ANKMY1: variants seen among roughly 807,000 people sequenced by gnomAD.
ANKMY1 encodes the protein ankyrin repeat and MYND domain containing 1.
Under a neutral mutation model 102.0 loss-of-function variants are expected in ANKMY1, and 98 were observed. That is an observed-to-expected ratio of 0.96 (90% CI 0.82 to 1.14). The LOEUF (loss-of-function observed/expected upper bound fraction) is 1.14. ANKMY1 is among the 50% of genes most tolerant of loss of function. ANKMY1 has a pLI of 0.00. For synonymous variants in ANKMY1, 582 were observed against 559.9 expected (o/e 1.04, Z -0.56); for missense variants, 1,330 against 1,347.6 (o/e 0.99, Z 0.20).
intron 11 of ANKMY1, among the ~76,000 whole-genome samples, chr2:240,510,971 G>A (rs918369772): frequency 7.9e-5 from 12 of 152,052 alleles, no homozygotes; most frequent in African/African-American, 2.2e-4. Flanking sequence ...CATTCCTAAC[G>A]TGAGTTCCTG....
At chr2:240,498,726 G>A (rs1322239769) in intron 15 of ANKMY1, among the ~76,000 whole-genome samples, 1 of 152,062 alleles carries the variant, frequency 6.6e-6, no homozygotes, top group Non-Finnish European at 1.5e-5. Flanking sequence ...CTGGTAGGAG[G>A]TGACTAGATC....
chr2:240,502,564 AC>A (rs1466325917), intron 13 of ANKMY1, among the ~76,000 whole-genome samples: 1 of 149,640 alleles, frequency 6.7e-6, no homozygotes, highest in Non-Finnish European at 1.5e-5. Context: ...CCATGTCCTC[AC>A]CCCTTCCTCC....
rs998144221 is a variant in ANKMY1 at position 240,529,949 on chromosome 2, T to G, written c.481-440A>C. On this transcript the variant is annotated intron_variant, in intron 4 of 17. Coordinates refer to ENST00000401804, the MANE Select transcript of ANKMY1 (RefSeq NM_001282771.3). This position sits in a 1 kb window ranked among gnomAD's most constrained non-coding sequence, Gnocchi z 4.2. ...AAGGGGCAGGAGAAGGAGGAGGAGA[T>G]AGAGGAAAGGAAGAGGAGGAGGAGG... is the stretch of plus-strand genomic sequence containing the variant. Among the ~76,000 whole-genome samples, 14 of 133,306 alleles carry G rather than the reference T, an allele frequency of 1.1e-4. No homozygotes were observed. Among genetic ancestry groups the G allele is most frequent in the African/African-American group, 1.1e-4 (4 of 35,054 alleles). 87.5% of individuals were successfully genotyped at this position (133,306 alleles called of 152,430 possible).
chr2:240,528,724 C>T (rs1300823042), intron 5 of ANKMY1, among the ~76,000 whole-genome samples: 2 of 152,178 alleles, frequency 1.3e-5, no homozygotes, highest in African/African-American at 2.4e-5. Context: ...CCTCGGGACT[C>T]CCCTGGCTGC....
At chr2:240,555,147 C>G in intron 2 of ANKMY1, 92 bp from the exon 3 acceptor site, 1 of 1,355,384 alleles carries the variant, frequency 7.4e-7, no homozygotes, top group Non-Finnish European at 1.0e-6. Context: ...AACCCAGCAT[C>G]TCATTTCATC....
intron 9 of ANKMY1, 35 bp from the exon 10 acceptor site, chr2:240,512,977 C>T: frequency 6.3e-7 from 1 of 1,599,738 alleles, no homozygotes; most frequent in South Asian, 1.1e-5. Context: ...CAGTGAGGCA[C>T]ATTCTCGTAG....
rs1016746499 is a variant in ANKMY1, at chr2:240,506,468, G to A, written c.2526+1092C>T. On this transcript the variant is annotated intron_variant, in intron 13 of 17. Coordinates refer to ENST00000401804, the MANE Select transcript of ANKMY1 (RefSeq NM_001282771.3). The surrounding 1 kb of genome is among the most constrained non-coding windows in gnomAD (Gnocchi z 4.9). The stretch of plus-strand genomic sequence containing the variant: ...CACTTAGTCTATCCAGACAGAACAG[G>A]GTCTTAGGAAGAAGGACAGGAGACT... Among the ~76,000 whole-genome samples, 5 of 152,142 alleles carry A rather than the reference G, an allele frequency of 3.3e-5. No individual in the cohort carries two copies. Among genetic ancestry groups the A allele is most frequent in the Non-Finnish European group, 2.9e-5 (2 of 68,032 alleles).
intron 4 of ANKMY1, among the ~76,000 whole-genome samples, chr2:240,541,527 C>T (rs534508514): frequency 1.3e-4 from 16 of 120,194 alleles, no homozygotes; most frequent in African/African-American, 3.6e-4. Flanking sequence ...TTTTTTGAGA[C>T]GGAGTCTCAC....
rs565095200 is a variant in ANKMY1, at chr2:240,507,595, C to T, written c.2491G>A (p.Glu831Lys). 34 of 1,611,160 alleles carry T rather than the reference C, an allele frequency of 2.1e-5. No individual in the cohort carries two copies. The African/African-American group carries it at 2.1e-4, about 10-fold the overall frequency. ...ALCVACDLTY[E>K]HQRNMDSKLA... Reference sequence around the variant, plus strand: ...TTGCTGTCCATGTTCCTCTGGTGCTCGTAGGTCAGGTCACAGGCAACACAC... The same window carrying T: ...TTGCTGTCCATGTTCCTCTGGTGCTTGTAGGTCAGGTCACAGGCAACACAC... Residue 831 changes from glutamate (E) to lysine (K), a missense_variant, in exon 13 of 18, where the codon GAG becomes AAG. By Grantham distance (56) the Glu-to-Lys change is moderately conservative. Transcript: ENST00000401804.
intron 4 of ANKMY1, among the ~76,000 whole-genome samples, chr2:240,537,958 C>T (rs2087303682): frequency 6.6e-6 from 1 of 152,256 alleles, no homozygotes; most frequent in Non-Finnish European, 1.5e-5. Flanking sequence ...CTTCCTTTTG[C>T]TGTCCATACA....
intron 13 of ANKMY1, among the ~76,000 whole-genome samples, chr2:240,505,927 G>T (rs922436971): frequency 6.6e-6 from 1 of 152,082 alleles, no homozygotes; most frequent in Admixed American, 6.5e-5. Flanking sequence ...GACCATTTAA[G>T]GGAGGTTTAA....
Position 240,499,850 on chromosome 2 carries a change from G to T in ANKMY1, c.2806+108C>A, listed in dbSNP as rs2077863762. 1.5e-6 allele frequency: 2 copies of T among 1,368,312 alleles called. No individual in the cohort carries two copies. Among genetic ancestry groups the T allele is most frequent in the South Asian group, 1.5e-5 (1 of 64,720 alleles). The allele number at this position is 1,368,312 out of a possible 1,614,324, so 84.8% of individuals were successfully genotyped here. A position where few individuals can be genotyped will look rare whatever the true frequency, so the allele number is the denominator to read the frequency against. Reference sequence around the variant, plus strand: ...AAGCCGACGAGCCCAGCCCCAGGAAGGCCCCTCCAAGAGCCCCAGGGGGTC... The same window carrying T: ...AAGCCGACGAGCCCAGCCCCAGGAATGCCCCTCCAAGAGCCCCAGGGGGTC... On this transcript the variant is annotated intron_variant, in intron 15 of 17. Coordinates refer to ENST00000401804, the MANE Select transcript of ANKMY1 (RefSeq NM_001282771.3). The surrounding 1 kb of genome is among the most constrained non-coding windows in gnomAD (Gnocchi z 4.2).
rs1053783636 is a variant in ANKMY1 at position 240,556,644 on chromosome 2, C to A, written c.146+546G>T. 1.8e-4 allele frequency among the ~76,000 whole-genome samples: 27 copies of A among 152,226 alleles called. 1 individual carries two copies. Among genetic ancestry groups the A allele is most frequent in the African/African-American group, 6.3e-4 (26 of 41,534 alleles). ...TTGCAGCCTCCATTTTGCAACTGGC[C>A]CCCTGGCTCCCCACCTTTCAATTCT... On this transcript the variant is annotated intron_variant, in intron 2 of 17. Coordinates refer to ENST00000401804, the MANE Select transcript of ANKMY1 (RefSeq NM_001282771.3).
At chr2:240,508,007 C>T (rs1258614255) in intron 12 of ANKMY1, among the ~76,000 whole-genome samples, 1 of 152,236 alleles carries the variant, frequency 6.6e-6, no homozygotes, top group Non-Finnish European at 1.5e-5. Context: ...GTTCCCAGCT[C>T]CCACCTTGCT....
At chr2:240,534,236 A>C (rs13007762) in intron 4 of ANKMY1, among the ~76,000 whole-genome samples, 3 of 152,162 alleles carry the variant, frequency 2.0e-5, no homozygotes, top group Non-Finnish European at 1.5e-5. Context: ...CTCGCCTAGA[A>C]GGCAGGACTT....
intron 8 of ANKMY1, chr2:240,523,306 C>T (rs1040810261): frequency 1.9e-5 from 3 of 153,942 alleles, no homozygotes; most frequent in Admixed American, 6.4e-5. Flanking sequence ...GCCCTGCACG[C>T]TGGGGGCTGG....
chr2:240,532,604 G>A (rs1227326396), intron 4 of ANKMY1, among the ~76,000 whole-genome samples: 1 of 152,152 alleles, frequency 6.6e-6, no homozygotes, highest in Non-Finnish European at 1.5e-5. Context: ...AGACTAGATA[G>A]ATAGACATAG....
Position 240,506,085 on chromosome 2 carries a change from G to A in ANKMY1, c.2526+1475C>T, listed in dbSNP as rs1387298991. On this transcript the variant is annotated intron_variant, in intron 13 of 17. Transcript: ENST00000401804. This position sits in a 1 kb window ranked among gnomAD's most constrained non-coding sequence, Gnocchi z 4.9. Reference sequence around the variant, plus strand: ...GATGCTGGGGAGCCCCCTAACCCTGGACGAGGTGCTGGGGAGCCCCCAACC... The same window carrying A: ...GATGCTGGGGAGCCCCCTAACCCTGAACGAGGTGCTGGGGAGCCCCCAACC... Among the ~76,000 whole-genome samples the A allele has an allele frequency of 6.6e-6, 1 of 151,664 alleles. No homozygotes were observed. Among genetic ancestry groups the A allele is most frequent in the Non-Finnish European group, 1.5e-5 (1 of 67,860 alleles).
At chr2:240,560,911 A>G (rs1413644704), upstream of ANKMY1, 6 of 1,533,640 alleles carry the variant, frequency 3.9e-6, no homozygotes, top group Non-Finnish European at 5.2e-6. Flanking sequence ...GACCCGGCTG[A>G]GGACCTGCTG....
Sources: gnomAD v4.1 joint callset for allele counts (sites outside exome capture counted in the v4.1 genomes callset) on GRCh38, gnomAD v4.1.1 for gene constraint, Gnocchi (gnomAD v3.1) non-coding constraint, MANE v1.5 for transcripts, NCBI Gene and HGNC (gene_info 2026-07-23, HGNC 2026-07-21) for gene names.